Variants in WDR76 observed in about 807,000 individuals in gnomAD.
The protein encoded by WDR76 is WD repeat domain 76.
A neutral mutation model predicts 70.2 loss-of-function variants in WDR76; 52 were observed. The ratio of observed to expected loss-of-function variants is 0.74; its 90% CI spans 0.59 to 0.93. WDR76 has a LOEUF of 0.93. Among genes scored for constraint, WDR76 ranks in the 40% least tolerant of loss-of-function variants. WDR76 has a pLI of 0.00. For synonymous variants in WDR76, 292 were observed against 271.1 expected (o/e 1.08, Z -0.76); for missense variants, 756 against 760.2 (o/e 0.99, Z 0.07).
chr15:43,841,631 A>G (rs544184660), intron 5 of WDR76, among the ~76,000 whole-genome samples: 3 of 152,042 alleles, frequency 2.0e-5, no homozygotes, highest in African/African-American at 7.2e-5. Flanking sequence ...TGAGCCATGT[A>G]CCTGGCCTGG....
chr15:43,866,075 G>T, intron 12 of WDR76, 53 bp from the exon 13 acceptor site: 2 of 1,595,444 alleles, frequency 1.3e-6, no homozygotes, highest in Non-Finnish European at 1.7e-6. Context: ...TCTGCCCAAT[G>T]CTACCTTATT....
At position 43,828,349 on chromosome 15, in the gene WDR76, G is replaced by T. The variant is rs546157966; in HGVS notation, c.445G>T (p.Asp149Tyr). The T allele has an allele frequency of 6.2e-7, 1 of 1,611,006 alleles. No homozygotes were observed. The highest frequency in any genetic ancestry group is 2.2e-5 in the East Asian group (1 of 44,852). The change falls in exon 2 of 13, where the codon GAT becomes TAT. Residue 149 changes from aspartate to tyrosine, a missense_variant. Asp to Tyr is a radical substitution (Grantham distance 160). Transcript: ENST00000263795. ...TAGTCAGGATGGAGACAGTGATGAAGATACCACACCATCCCTGGTAAGAAC... is the reference window on the plus strand; with the variant it reads ...TAGTCAGGATGGAGACAGTGATGAATATACCACACCATCCCTGGTAAGAAC... Reference protein sequence around the residue: ...ESSQDGDSDEDTTPSLDFSGL... With the variant: ...ESSQDGDSDEYTTPSLDFSGL...
intron 9 of WDR76, among the ~76,000 whole-genome samples, chr15:43,853,934 C>A (rs1354181006): frequency 6.6e-5 from 10 of 150,686 alleles, no homozygotes; most frequent in East Asian, 2.0e-4. Context: ...AACAAAAAAA[C>A]CCCACAAATG....
rs572129329 is a variant in WDR76, at chr15:43,857,504, T to A, written c.1409+341T>A. 1,157 of 985,360 alleles carry A rather than the reference T, an allele frequency of 1.2e-3. 10 individuals are homozygous for A. Among genetic ancestry groups the A allele is most frequent in the Middle Eastern group, 9.9e-3 (19 of 1,914 alleles). The allele number at this position is 985,360 out of a possible 1,614,324, so 61.0% of individuals were successfully genotyped here. The stretch of plus-strand genomic sequence containing the variant: ...TTGTTGGCCTGTGTTAACTTTTTTC[T>A]AGGAAGGATTGAAAAACCAACTAGA... On this transcript the variant is annotated intron_variant, in intron 10 of 12. Coordinates refer to ENST00000263795, the MANE Select transcript of WDR76 (RefSeq NM_024908.4).
chr15:43,856,409 G>C lies in WDR76; in HGVS notation c.1192-537G>C, dbSNP rs1015759880. On this transcript the variant is annotated intron_variant, in intron 9 of 12. Coordinates refer to ENST00000263795, the MANE Select transcript of WDR76 (RefSeq NM_024908.4). ...TGGACTTGGTTGGCAAAGTTACTTT[G>C]CATATTAAAATATAATTTCAATTGG... 8.5e-5 allele frequency among the ~76,000 whole-genome samples: 13 copies of C among 152,090 alleles called. 1 individual carries two copies. Among genetic ancestry groups the C allele is most frequent in the Admixed American group, 7.9e-4 (12 of 15,248 alleles).
Position 43,836,230 on chromosome 15 carries a change from T to A in WDR76, c.608+14T>A, listed in dbSNP as rs1372811849. 1.9e-6 allele frequency: 3 copies of A among 1,607,210 alleles called. No homozygotes were observed. The Admixed American group carries it at 5.1e-5, about 27-fold the overall frequency. ...TAAATCCAAAAGGTAAAATATCTAG[T>A]TTGCAATGCCTGAACCATGATACAT... On this transcript the variant is annotated intron_variant, in intron 4 of 12. Transcript: ENST00000263795.
chr15:43,829,857 G>A (rs2087565464), intron 2 of WDR76, among the ~76,000 whole-genome samples: 1 of 151,934 alleles, frequency 6.6e-6, no homozygotes, highest in African/African-American at 2.4e-5. Context: ...TGACCTTAGG[G>A]GATTGGATAA....
chr15:43,843,746 G>T, intron 7 of WDR76, among the ~76,000 whole-genome samples, 155 bp from the exon 8 acceptor site: 1 of 152,154 alleles, frequency 6.6e-6, no homozygotes. Context: ...AAAAGTGAAA[G>T]AATATTGCTT....
Position 43,827,992 on chromosome 15 carries a change from A to G in WDR76, c.88A>G (p.Ile30Val), listed in dbSNP as rs762391033. The G allele has an allele frequency of 4.4e-6, 7 of 1,605,248 alleles. No homozygotes were observed. The highest frequency in any genetic ancestry group is 5.9e-6 in the Non-Finnish European group (7 of 1,177,864). Reference sequence around the variant, plus strand: ...AAATGAATATAAAGAAAATCAAAACATCGCTTATGTGTCTCTGAGACCAGC... The same window carrying G: ...AAATGAATATAAAGAAAATCAAAACGTCGCTTATGTGTCTCTGAGACCAGC... ...KVNEYKENQN[I>V]AYVSLRPAQT... Residue 30 changes from isoleucine to valine, a missense_variant, in exon 2 of 13, where the codon ATC becomes GTC. Coordinates refer to ENST00000263795, the MANE Select transcript of WDR76 (RefSeq NM_024908.4).
chr15:43,851,048 G>GT (rs752304400), intron 8 of WDR76, 39 bp from the exon 9 acceptor site: 49 of 1,605,572 alleles, frequency 3.1e-5, no homozygotes, highest in Non-Finnish European at 4.0e-5. Context: ...TTTTTCACTA[G>GT]TTTTTTTCTC....
At chr15:43,852,825 A>G (rs924491226) in intron 9 of WDR76, among the ~76,000 whole-genome samples, 5 of 152,146 alleles carry the variant, frequency 3.3e-5, no homozygotes, top group African/African-American at 4.8e-5. Flanking sequence ...ATGCCATTGT[A>G]TGGGTATTCC....
chr15:43,860,077 C>A (rs1407097543), intron 11 of WDR76, among the ~76,000 whole-genome samples: 1 of 152,044 alleles, frequency 6.6e-6, no homozygotes, highest in East Asian at 1.9e-4. Context: ...AAGGAGAGAC[C>A]CTGTCTCTAC....
In WDR76 at chr15:43,851,170, T is replaced by C; in HGVS notation, c.1116T>C (p.Asn372=). 3 of 1,614,158 alleles carry C rather than the reference T, an allele frequency of 1.9e-6. No homozygotes were observed. The highest frequency in any genetic ancestry group is 2.5e-6 in the Non-Finnish European group (3 of 1,180,028). ...PVSCLYFSPA[N]PAHILSLSYD... is the part of the protein sequence containing the mutation. ...GCTGTCTTTACTTCTCACCCGCCAA[T>C]CCGGCCCACATACTGTCACTGAGCT... Residue 372 remains asparagine (N), a synonymous_variant, in exon 9 of 13, where the codon AAT becomes AAC. Coordinates refer to ENST00000263795, the MANE Select transcript of WDR76 (RefSeq NM_024908.4).
intron 2 of WDR76, among the ~76,000 whole-genome samples, chr15:43,833,678 G>C (rs945868622): frequency 2.0e-5 from 3 of 148,002 alleles, no homozygotes; most frequent in Non-Finnish European, 3.0e-5. Context: ...TGTGGCCCAG[G>C]CTGGATGGAG....
rs1443855803 is a variant in WDR76, at chr15:43,867,169, C to T, written c.*777C>T. 4 of 151,756 alleles carry T rather than the reference C, an allele frequency of 2.6e-5. No individual in the cohort carries two copies. The highest frequency in any genetic ancestry group is 6.6e-5 in the Admixed American group (1 of 15,206). The allele number at this position is 151,756 out of a possible 1,614,324, so 9.4% of individuals were successfully genotyped here. On this transcript the variant is annotated 3_prime_UTR_variant, in exon 13 of 13. Coordinates refer to ENST00000263795, the MANE Select transcript of WDR76 (RefSeq NM_024908.4). ...TTTTTAACTGAGAACTTTTTTTGCC[C>T]CCTGCCTGTAGGTTAAGTCTTACGT...
intron 12 of WDR76, among the ~76,000 whole-genome samples, chr15:43,862,572 G>C (rs1383939883): frequency 1.3e-5 from 2 of 150,336 alleles, no homozygotes; most frequent in Admixed American, 6.6e-5. Flanking sequence ...GCAGGCTCGC[G>C]ATCTCGGCTC....
At chr15:43,836,336 C>G in intron 4 of WDR76, 120 bp downstream of exon 4, 5 of 754,220 alleles carry the variant, frequency 6.6e-6, no homozygotes, top group Non-Finnish European at 1.0e-5. Flanking sequence ...TAATCTCAGT[C>G]CCTCTAGGAT....
At chr15:43,830,300 C>T (rs1423087455) in intron 2 of WDR76, among the ~76,000 whole-genome samples, 2 of 152,080 alleles carry the variant, frequency 1.3e-5, no homozygotes, top group Non-Finnish European at 2.9e-5. Flanking sequence ...CGGTGGCTCA[C>T]GCCTGTAATC....
chr15:43,836,965 G>T (rs754324833), intron 4 of WDR76, among the ~76,000 whole-genome samples: 8 of 151,470 alleles, frequency 5.3e-5, no homozygotes, highest in African/African-American at 9.7e-5. Flanking sequence ...GCTTGAACCC[G>T]GGAGGCAGAG....
Sources: allele counts gnomAD v4.1 joint callset (sites outside exome capture counted in the v4.1 genomes callset), GRCh38; gene constraint gnomAD v4.1.1; transcripts MANE v1.5; gene names NCBI Gene and HGNC (gene_info 2026-07-23, HGNC 2026-07-21).